GPR149: variants seen among roughly 807,000 people sequenced by gnomAD.
GPR149 encodes the protein G protein-coupled receptor 149, also known as probable G protein-coupled receptor 149.
GPR149 carries 50 observed loss-of-function variants against 50.2 expected under a neutral mutation model. The observed-to-expected ratio is 1.00, with a 90% CI of 0.79 to 1.26. The LOEUF (loss-of-function observed/expected upper bound fraction) is 1.26. GPR149 is among the 50% of genes most tolerant of loss of function. The probability of loss-of-function intolerance (pLI) is 0.00; values close to 1 mark genes in which losing one functional copy is unlikely to be tolerated. For synonymous variants in GPR149, 405 were observed against 358.2 expected (o/e 1.13, Z -1.48); for missense variants, 983 against 895.4 (o/e 1.10, Z -1.25).
intron 3 of GPR149, among the ~76,000 whole-genome samples, chr3:154,381,842 T>C (rs1714936133): frequency 6.6e-6 from 1 of 152,102 alleles, no homozygotes; most frequent in African/African-American, 2.4e-5. Context: ...AAAAAAAATA[T>C]GTTATTACTT....
At chr3:154,426,011 C>T (rs1017687422) in intron 2 of GPR149, among the ~76,000 whole-genome samples, 1 of 152,066 alleles carries the variant, frequency 6.6e-6, no homozygotes, top group African/African-American at 2.4e-5. Context: ...TAAGACCGGG[C>T]TCGTTCACTA....
intron 3 of GPR149, chr3:154,354,191 GT>G: frequency 2.0e-6 from 1 of 491,280 alleles, no homozygotes; most frequent in Non-Finnish European, 3.9e-6. Context: ...ATTTTCTCTT[GT>G]TTTTGATTTC....
chr3:154,339,568 A>G (rs1713737892), intron 3 of GPR149, among the ~76,000 whole-genome samples: 1 of 152,124 alleles, frequency 6.6e-6, no homozygotes, highest in Admixed American at 6.6e-5. Flanking sequence ...TCTGCATCCC[A>G]GGAAATCCCT....
intron 3 of GPR149, among the ~76,000 whole-genome samples, chr3:154,358,997 A>T (rs115630175): frequency 0.012 from 1,790 of 152,328 alleles, 37 homozygotes; most frequent in African/African-American, 0.04. Context: ...TAGAAAATTA[A>T]GGATGACTTC....
chr3:154,388,871 A>AAC (rs58641317), intron 3 of GPR149, among the ~76,000 whole-genome samples: 138 of 144,950 alleles, frequency 9.5e-4, no homozygotes, highest in African/African-American at 2.4e-3. Flanking sequence ...ACATATGAAA[A>AAC]ACACACACAC....
intron 3 of GPR149, among the ~76,000 whole-genome samples, chr3:154,349,429 GC>G (rs1267879314): frequency 6.6e-6 from 1 of 152,160 alleles, no homozygotes; most frequent in African/African-American, 2.4e-5. Context: ...AGAGTCTGCA[GC>G]CATCGAAAGT....
chr3:154,353,864 A>G, intron 3 of GPR149: 2 of 600,558 alleles, frequency 3.3e-6, no homozygotes, highest in Non-Finnish European at 3.1e-6. Context: ...GAGATATGTT[A>G]CCCTTTGATG....
At chr3:154,393,060 G>A (rs1359567255) in intron 3 of GPR149, among the ~76,000 whole-genome samples, 3 of 151,988 alleles carry the variant, frequency 2.0e-5, no homozygotes, top group South Asian at 2.1e-4. Context: ...GAGGAAGATG[G>A]AACACTTTCA....
At chr3:154,412,158 T>A (rs1399050466) in intron 3 of GPR149, among the ~76,000 whole-genome samples, 1 of 152,132 alleles carries the variant, frequency 6.6e-6, no homozygotes. Context: ...CATCTCTTTA[T>A]GATTAAAACC....
chr3:154,367,855 G>C (rs960534790), intron 3 of GPR149, among the ~76,000 whole-genome samples: 7 of 152,196 alleles, frequency 4.6e-5, no homozygotes, highest in African/African-American at 1.4e-4. Flanking sequence ...TCCTCACATG[G>C]TGAGTACGAT....
At chr3:154,426,340 G>T (rs796947501) in intron 2 of GPR149, among the ~76,000 whole-genome samples, 7 of 152,092 alleles carry the variant, frequency 4.6e-5, no homozygotes, top group African/African-American at 1.7e-4. Context: ...AGGAAAAATG[G>T]CCAGTTCATG....
rs184629254 is a variant in GPR149, at chr3:154,423,230, G to A, written c.1175-1743C>T. On this transcript the variant is annotated intron_variant, in intron 2 of 3. Transcript: ENST00000389740. ...ACATTCTGAGGCCATTTTGCACATCGATTATCTCATTTAACACACAACAAC... is the reference window on the plus strand; with the variant it reads ...ACATTCTGAGGCCATTTTGCACATCAATTATCTCATTTAACACACAACAAC... 4.5e-4 allele frequency among the ~76,000 whole-genome samples: 68 copies of A among 151,894 alleles called. 7 individuals are homozygous for A. The East Asian group carries it at 5.2e-3, about 12-fold the overall frequency.
At chr3:154,387,563 C>T (rs1715074232) in intron 3 of GPR149, among the ~76,000 whole-genome samples, 1 of 152,162 alleles carries the variant, frequency 6.6e-6, no homozygotes, top group Non-Finnish European at 1.5e-5. Flanking sequence ...TCCCATGTCT[C>T]CTTCAATTTT....
rs987564628 is a variant in GPR149 at position 154,383,268 on chromosome 3, C to T, written c.1623+37771G>A. ...GAAGCTGGGGAAACAGGAATGGGGG[C>T]GAGACATTCCACTGAGCAGGCCAAA... is the stretch of plus-strand genomic sequence containing the variant. On this transcript the variant is annotated intron_variant, in intron 3 of 3. Coordinates refer to ENST00000389740, the MANE Select transcript of GPR149 (RefSeq NM_001038705.3). Among the ~76,000 whole-genome samples the T allele has an allele frequency of 7.9e-5, 12 of 152,084 alleles. No homozygotes were observed. The South Asian group carries it at 1.0e-3, about 13-fold the overall frequency.
At chr3:154,363,396 G>C (rs1376072931) in intron 3 of GPR149, among the ~76,000 whole-genome samples, 2 of 152,048 alleles carry the variant, frequency 1.3e-5, no homozygotes, top group Non-Finnish European at 2.9e-5. Context: ...CAAGATCAAG[G>C]TTCCAGCATT....
intron 3 of GPR149, among the ~76,000 whole-genome samples, chr3:154,380,178 G>C (rs957552999): frequency 2.0e-5 from 3 of 146,594 alleles, no homozygotes; most frequent in East Asian, 3.9e-4. Flanking sequence ...GAGAGAGAGA[G>C]AGAGAGAGAG....
intron 3 of GPR149, among the ~76,000 whole-genome samples, chr3:154,399,490 C>T (rs1162737923): frequency 6.6e-6 from 1 of 152,138 alleles, no homozygotes; most frequent in East Asian, 1.9e-4. Flanking sequence ...GTAAATATCA[C>T]CTTTCTCCTT....
At chr3:154,357,544 C>T (rs1324590869) in intron 3 of GPR149, among the ~76,000 whole-genome samples, 2 of 152,200 alleles carry the variant, frequency 1.3e-5, no homozygotes, top group Non-Finnish European at 2.9e-5. Context: ...AAAAAATGCT[C>T]ACCATCACTG....
chr3:154,388,311 TAC>T (rs377577199), intron 3 of GPR149, among the ~76,000 whole-genome samples: 1 of 151,152 alleles, frequency 6.6e-6, no homozygotes, highest in Non-Finnish European at 1.5e-5. Context: ...CACATATATA[TAC>T]ACACACACAC....
Sources: gnomAD v4.1 joint callset for allele counts (sites outside exome capture counted in the v4.1 genomes callset) on GRCh38, gnomAD v4.1.1 for gene constraint, MANE v1.5 for transcripts, NCBI Gene and HGNC (gene_info 2026-07-23, HGNC 2026-07-21) for gene names.